KATNB1: variants seen among roughly 807,000 people sequenced by gnomAD.
KATNB1 encodes katanin regulatory subunit B1.
In KATNB1, 38 loss-of-function variants were observed where a neutral mutation model predicts 82.3. That is an observed-to-expected ratio of 0.46 (90% CI 0.36 to 0.61). The LOEUF is 0.61. Ranked by LOEUF, KATNB1 falls within the 20% of genes least tolerant of loss-of-function variation. The pLI is 0.00. For missense variants in KATNB1, 749 were observed against 915.7 expected, an observed-to-expected ratio of 0.82 and a Z score of 2.35; for synonymous variants, 361 against 368.7, an observed-to-expected ratio of 0.98 and a Z score of 0.24.
intron 2 of KATNB1, among the ~76,000 whole-genome samples, chr16:57,738,763 G>A (rs1158349627): frequency 6.6e-6 from 1 of 152,180 alleles, no homozygotes; most frequent in Non-Finnish European, 1.5e-5. Flanking sequence ...TTGGGATTAC[G>A]TATTCATCCC....
rs1567905160 is a variant in KATNB1, at chr16:57,756,876, AG to A, written c.1899del (p.Lys633AsnfsTer4). The A allele has an allele frequency of 1.3e-6, 2 of 1,562,976 alleles. No homozygotes were observed. On this transcript the variant is annotated frameshift_variant, in exon 20 of 20. Transcript: ENST00000379661. LOFTEE classifies it high-confidence loss of function. ...AGCATCAGCGGCCTGGTCAAGAGCA[AG>A]TCAGGCCTGAGCGGCCGCCATGGCA... ...LKSISGLVKS[K>X]SGLSGRHGST...
At chr16:57,743,834 AT>A (rs1420178005) in intron 3 of KATNB1, among the ~76,000 whole-genome samples, 1 of 152,242 alleles carries the variant, frequency 6.6e-6, no homozygotes, top group African/African-American at 2.4e-5. Context: ...CATCCAAAAG[AT>A]AGAGGATCCA....
In KATNB1 at chr16:57,754,861, G is replaced by A. The variant is rs1386295879; in HGVS notation, c.1229-69G>A. The A allele has an allele frequency of 3.3e-5, 50 of 1,519,218 alleles. No individual in the cohort carries two copies. The Admixed American group carries it at 5.2e-4, about 16-fold the overall frequency. 94.1% of individuals were successfully genotyped at this position (1,519,218 alleles called of 1,614,324 possible). On this transcript the variant is annotated intron_variant, in intron 13 of 19. Coordinates refer to ENST00000379661, the MANE Select transcript of KATNB1 (RefSeq NM_005886.3). ...CATTGCAGATGCTGCCCAGAGTCCC[G>A]CCCTGAGCCCTGCCCTTCTTGCCAG...
intron 19 of KATNB1, 94 bp from the exon 20 acceptor site, chr16:57,756,720 G>A: frequency 1.4e-6 from 2 of 1,446,320 alleles, no homozygotes; most frequent in Middle Eastern, 2.2e-4. Flanking sequence ...CCCTTGGGAG[G>A]AAGGGCTGGA....
At chr16:57,748,648 A>G (rs1451541670) in intron 4 of KATNB1, among the ~76,000 whole-genome samples, 1 of 152,056 alleles carries the variant, frequency 6.6e-6, no homozygotes, top group Non-Finnish European at 1.5e-5. Flanking sequence ...CCTAGATCCC[A>G]TGATTGAATG....
intron 3 of KATNB1, among the ~76,000 whole-genome samples, chr16:57,742,129 G>A (rs1219275709): frequency 6.6e-6 from 1 of 152,210 alleles, no homozygotes; most frequent in African/African-American, 2.4e-5. Context: ...ATTAAAATAA[G>A]CCCTGGGCCT....
chr16:57,746,011 TC>T (rs2049181754), intron 4 of KATNB1, among the ~76,000 whole-genome samples: 1 of 152,182 alleles, frequency 6.6e-6, no homozygotes, highest in African/African-American at 2.4e-5. Flanking sequence ...CATCTGTTGT[TC>T]CTGGTCCCAC....
intron 13 of KATNB1, 40 bp from the exon 14 acceptor site, chr16:57,754,890 C>A: frequency 6.2e-7 from 1 of 1,611,258 alleles, no homozygotes; most frequent in Non-Finnish European, 8.5e-7. Context: ...TTGCCAGGCC[C>A]TTCTGGCCGG....
intron 3 of KATNB1, 62 bp downstream of exon 3, chr16:57,741,879 G>T: frequency 6.5e-7 from 1 of 1,542,884 alleles, no homozygotes; most frequent in Non-Finnish European, 8.8e-7. Flanking sequence ...GGGGACAGGG[G>T]TTGGAGGCTG....
chr16:57,751,295 G>A lies in KATNB1; in HGVS notation c.425G>A (p.Arg142Gln), dbSNP rs782335200. 9.9e-6 allele frequency: 16 copies of A among 1,613,786 alleles called. No homozygotes were observed. Among genetic ancestry groups the A allele is most frequent in the East Asian group, 8.9e-5 (4 of 44,888 alleles). Reference sequence around the variant, plus strand: ...ATCAGGAGGAAAGGCTGTGTCTTCCGATACAGGGTAAGGATGCGCTCTGTC... The same window carrying A: ...ATCAGGAGGAAAGGCTGTGTCTTCCAATACAGGGTAAGGATGCGCTCTGTC... ...WDIRRKGCVF[R>Q]YRGHSQAVRC... Residue 142 changes from arginine to glutamine, a missense_variant, in exon 6 of 20, where the codon CGA becomes CAA. Physicochemically the swap from Arg to Gln is conservative, Grantham distance 43 (BLOSUM62 1). Around this residue, in one of 3 missense-constraint regions of KATNB1, gnomAD observed 247 missense variants for 349.4 expected, o/e 0.71. Coordinates refer to ENST00000379661, the MANE Select transcript of KATNB1 (RefSeq NM_005886.3). This position sits in a 1 kb window ranked among gnomAD's most constrained non-coding sequence, Gnocchi z 6.3.
chr16:57,741,279 T>A (rs1555579336), intron 2 of KATNB1, among the ~76,000 whole-genome samples: 3 of 152,222 alleles, frequency 2.0e-5, no homozygotes, highest in Non-Finnish European at 4.4e-5. Context: ...TCAATAATTG[T>A]TTTTCTTTTT....
At chr16:57,752,630 G>T (rs781872527) in intron 9 of KATNB1, 29 bp downstream of exon 9, 2 of 1,553,004 alleles carry the variant, frequency 1.3e-6, no homozygotes, top group South Asian at 1.2e-5. Context: ...GGGCGGCCCA[G>T]CGCTCCTCCC....
chr16:57,736,852 G>A, intron 1 of KATNB1, 126 bp from the exon 2 acceptor site: 1 of 442,166 alleles, frequency 2.3e-6, no homozygotes, highest in Non-Finnish European at 4.5e-6. Context: ...CTAATTTGCA[G>A]TGCAGCTTCT....
chr16:57,740,953 G>A (rs942770474), intron 2 of KATNB1, among the ~76,000 whole-genome samples: 13 of 152,248 alleles, frequency 8.5e-5, no homozygotes, highest in African/African-American at 2.9e-4. Context: ...ACGTAGGCGC[G>A]CTCTGAGGGA....
Position 57,753,176 on chromosome 16 carries a change from C to T in KATNB1, c.955C>T (p.His319Tyr). The T allele has an allele frequency of 6.2e-7, 1 of 1,609,840 alleles. No homozygotes were observed. The change falls in exon 11 of 20, where the codon CAC (histidine) becomes TAC (tyrosine). Residue 319 changes from histidine to tyrosine, a missense_variant. Coordinates refer to ENST00000379661, the MANE Select transcript of KATNB1 (RefSeq NM_005886.3). Reference protein sequence around the residue: ...GTVARDPVQDHRPLAQPLPNP... With the variant: ...GTVARDPVQDYRPLAQPLPNP... ...GGTGGCCCGGGACCCTGTGCAGGAC[C>T]ACCGGCCCCTGGCACAGCCACTGCC...
Position 57,754,009 on chromosome 16 carries a change from G to T in KATNB1, c.1228+14G>T, listed in dbSNP as rs782738430. On this transcript the variant is annotated intron_variant, in intron 13 of 19. Transcript: ENST00000379661. ...CCCCAGAGGACGGTGAGTTGGGTGA[G>T]CCTGGTTTCCCAAGGTCTCTGATGC... 1 of 1,612,488 alleles carries T rather than the reference G, an allele frequency of 6.2e-7. No individual in the cohort carries two copies. Among genetic ancestry groups the T allele is most frequent in the South Asian group, 1.1e-5 (1 of 90,974 alleles).
rs1328609128 is a variant in KATNB1, at chr16:57,756,686, G to T, written c.1836-128G>T. 2.9e-6 allele frequency: 4 copies of T among 1,399,616 alleles called. No homozygotes were observed. In the African/African-American group the frequency reaches 4.4e-5, roughly 15 times the overall value. The allele number at this position is 1,399,616 out of a possible 1,614,324, so 86.7% of individuals were successfully genotyped here. On this transcript the variant is annotated intron_variant, in intron 19 of 19. Transcript: ENST00000379661. ...CCACAATCCCTGGCAGGGCCTGGGT[G>T]GTTCCCCTCTGGGCCTCCGCCTTCC...
At position 57,755,414 on chromosome 16, in the gene KATNB1, G is replaced by A. The variant is rs201307275; in HGVS notation, c.1486G>A (p.Asp496Asn). ...DAMSQIRKGH[D>N]TMCVVLTSRH... ...CATGTCACAGATCCGCAAAGGCCACGACACCATGTGTGTGGTGCTCACCAG... is the reference window on the plus strand; with the variant it reads ...CATGTCACAGATCCGCAAAGGCCACAACACCATGTGTGTGGTGCTCACCAG... Residue 496 changes from aspartate (D) to asparagine (N), a missense_variant, in exon 16 of 20, where the codon GAC (aspartate) becomes AAC (asparagine). Asp to Asn is a conservative substitution (Grantham distance 23, BLOSUM62 1). Around this residue, in one of 3 missense-constraint regions of KATNB1, gnomAD observed 407 missense variants for 434.7 expected, o/e 0.94. Transcript: ENST00000379661. 3.7e-6 allele frequency: 6 copies of A among 1,613,146 alleles called. No homozygotes were observed. The highest frequency in any genetic ancestry group is 2.2e-5 in the South Asian group (2 of 91,096).
At position 57,755,977 on chromosome 16, in the gene KATNB1, C is replaced by T. The variant is rs782355898; in HGVS notation, c.1644-15C>T. 4.5e-5 allele frequency: 73 copies of T among 1,613,272 alleles called. No individual in the cohort carries two copies. Among genetic ancestry groups the T allele is most frequent in the Non-Finnish European group, 5.8e-5 (68 of 1,179,900 alleles). On this transcript the variant is annotated splice_polypyrimidine_tract_variant and intron_variant, in intron 17 of 19. Coordinates refer to ENST00000379661, the MANE Select transcript of KATNB1 (RefSeq NM_005886.3). ...CAGGGCTGGGCTGATGGCAGCATGT[C>T]CTGGCCTCTCCTAGCTCCCTGTGGA...
Sources: gnomAD v4.1 joint callset for allele counts (sites outside exome capture counted in the v4.1 genomes callset) on GRCh38, gnomAD v4.1.1 for gene constraint, gnomAD v4.1.1 regional missense constraint, Gnocchi (gnomAD v3.1) non-coding constraint, MANE v1.5 for transcripts, NCBI Gene and HGNC (gene_info 2026-07-23, HGNC 2026-07-21) for gene names.